The following CFAP46 variants were observed in gnomAD, a reference collection of about 807,000 sequenced individuals.
CFAP46 encodes the protein cilia and flagella associated protein 46.
In CFAP46, 245 loss-of-function variants were observed where a neutral mutation model predicts 325.7. The ratio of observed to expected loss-of-function variants is 0.75; its 90% CI spans 0.68 to 0.84. The LOEUF (loss-of-function observed/expected upper bound fraction) is 0.84, where lower values mean the gene tolerates loss of function less well. Ranked by LOEUF, CFAP46 falls within the 40% of genes least tolerant of loss-of-function variation. CFAP46 has a pLI of 0.00. For synonymous variants in CFAP46, 1,523 were observed against 1,495.9 expected (o/e 1.02, Z -0.42); for missense variants, 3,346 against 3,543.0 (o/e 0.94, Z 1.41).
intron 31 of CFAP46, among the ~76,000 whole-genome samples, chr10:132,875,817 CA>C (rs140467869): frequency 5.9e-5 from 9 of 151,526 alleles, no homozygotes; most frequent in Middle Eastern, 3.4e-3. Flanking sequence ...ATGAAAACAT[CA>C]AAAAAAAGGA....
At position 132,837,082 on chromosome 10, in the gene CFAP46, C is replaced by T. The variant is rs984611884; in HGVS notation, c.6439-168G>A. The stretch of plus-strand genomic sequence containing the variant: ...GTGGGGGGCCCTGCTGGAAGTGACT[C>T]GGGGCTGCCACCAGGGGGCAGCAGA... On this transcript the variant is annotated intron_variant, in intron 44 of 57. Coordinates refer to ENST00000368586, the MANE Select transcript of CFAP46 (RefSeq NM_001200049.3). 21 of 571,494 alleles carry T rather than the reference C, an allele frequency of 3.7e-5. No individual in the cohort carries two copies. In the Admixed American group the frequency reaches 5.7e-4, roughly 16 times the overall value. The allele number at this position is 571,494 out of a possible 1,614,324, so 35.4% of individuals were successfully genotyped here.
rs202121965 is a variant in CFAP46, at chr10:132,885,154, C to T, written c.3576G>A (p.Pro1192=). The change falls in exon 27 of 58, where the codon CCG becomes CCA. Residue 1192 remains proline (P), a synonymous_variant. Transcript: ENST00000368586. The stretch of plus-strand genomic sequence containing the variant: ...AGCAGGCCAGCTCTCCAGACACGCT[C>T]GGCGAGTTCAGGGCCAGGCGGTGCC... ...RMWHRLALNS[P]SVSGELACYN... 3,669 of 1,550,340 alleles carry T rather than the reference C, an allele frequency of 2.4e-3. 45 individuals carry two copies. The highest frequency in any genetic ancestry group is 1.4e-3 in the Non-Finnish European group (1,619 of 1,146,928).
intron 54 of CFAP46, 104 bp downstream of exon 54, chr10:132,814,048 C>T: frequency 1.2e-6 from 1 of 806,602 alleles, no homozygotes; most frequent in Non-Finnish European, 2.1e-6. Context: ...TGTGGCAGGA[C>T]TGGCAGGGCA....
Position 132,810,942 on chromosome 10 carries a change from C to T in CFAP46, c.7583+8G>A. ...ATCCCTGCCCACCCGTTCCAGGCAG[C>T]CAGGCACCTCCTGTGCTCCACGCTC... On this transcript the variant is annotated splice_region_variant and intron_variant, in intron 56 of 57. Transcript: ENST00000368586. 5 of 1,588,090 alleles carry T rather than the reference C, an allele frequency of 3.1e-6. No homozygotes were observed. The Admixed American group carries it at 8.7e-5, about 28-fold the overall frequency.
intron 7 of CFAP46, 46 bp downstream of exon 7, chr10:132,936,912 CCAG>C: frequency 8.3e-7 from 1 of 1,210,850 alleles, no homozygotes; most frequent in Non-Finnish European, 1.2e-6. Context: ...TCTCCCAAGC[CCAG>C]CACTTGTGAA....
chr10:132,934,786 T>C lies in CFAP46; in HGVS notation c.832A>G (p.Asn278Asp). The C allele has an allele frequency of 6.2e-7, 1 of 1,612,014 alleles. No homozygotes were observed. Among genetic ancestry groups the C allele is most frequent in the Non-Finnish European group, 8.5e-7 (1 of 1,178,280 alleles). Residue 278 changes from asparagine to aspartate, a missense_variant, in exon 8 of 58, where the codon AAC (asparagine) becomes GAC (aspartate). Coordinates refer to ENST00000368586, the MANE Select transcript of CFAP46 (RefSeq NM_001200049.3). ...RKAYRHLGHY[N>D]HQRFPSISEE... ...CTGATAGAGGGAAAGCGCTGGTGGTTGTAATGACCTAAGTGTCTGTAGGCC... is the reference window on the plus strand; with the variant it reads ...CTGATAGAGGGAAAGCGCTGGTGGTCGTAATGACCTAAGTGTCTGTAGGCC...
intron 8 of CFAP46, among the ~76,000 whole-genome samples, chr10:132,931,968 C>G (rs1849915001): frequency 7.0e-6 from 1 of 143,278 alleles, no homozygotes; most frequent in Non-Finnish European, 1.5e-5. Flanking sequence ...GCTGGGCCTT[C>G]CTTGTCGCCA....
In CFAP46 at chr10:132,929,726, G is replaced by A; in HGVS notation, c.945C>T (p.Asp315=). ...CMEISSACLS[D]LKKMESKDPG... ...TTACTTTGCTTTCCATCTTCTTCAGGTCTGAGAGGCAGGCAGAGGAGATCT... is the reference window on the plus strand; with the variant it reads ...TTACTTTGCTTTCCATCTTCTTCAGATCTGAGAGGCAGGCAGAGGAGATCT... Residue 315 remains aspartate, a synonymous_variant, in exon 9 of 58, where the codon GAC becomes GAT. Transcript: ENST00000368586. 1 of 1,613,798 alleles carries A rather than the reference G, an allele frequency of 6.2e-7. No individual in the cohort carries two copies. Among genetic ancestry groups the A allele is most frequent in the Admixed American group, 1.7e-5 (1 of 60,000 alleles).
At chr10:132,920,915 G>A (rs1037199400) in intron 13 of CFAP46, among the ~76,000 whole-genome samples, 1 of 152,244 alleles carries the variant, frequency 6.6e-6, no homozygotes, top group African/African-American at 2.4e-5. Context: ...AAGGAGTCAG[G>A]AAGGCAAAAC....
intron 35 of CFAP46, among the ~76,000 whole-genome samples, chr10:132,864,572 T>TAC (rs1848781683): frequency 1.6e-5 from 1 of 62,030 alleles, no homozygotes; most frequent in Non-Finnish European, 3.3e-5. Flanking sequence ...CCTGCAAACA[T>TAC]CTGTCCCCCT....
chr10:132,933,848 C>T (rs1443530444), intron 8 of CFAP46, among the ~76,000 whole-genome samples: 3 of 152,248 alleles, frequency 2.0e-5, no homozygotes, highest in Middle Eastern at 3.2e-3. Flanking sequence ...GCTTGGGGGA[C>T]CCCTTCCCCA....
chr10:132,814,453 G>T, intron 53 of CFAP46, 124 bp downstream of exon 53: 2 of 1,273,604 alleles, frequency 1.6e-6, no homozygotes, highest in Non-Finnish European at 2.2e-6. Context: ...CCAAAATGGG[G>T]CAAGCACATA....
In CFAP46 at chr10:132,937,647, C is replaced by A. The variant is rs148649735; in HGVS notation, c.565G>T (p.Gly189Ter). 3.1e-6 allele frequency: 5 copies of A among 1,612,080 alleles called. No homozygotes were observed. In the Admixed American group the frequency reaches 8.4e-5, roughly 27 times the overall value. The change falls in exon 6 of 58, where the codon GGA becomes TGA. Residue 189 changes from glycine (G) to a stop codon, truncating the protein, a stop_gained. Coordinates refer to ENST00000368586, the MANE Select transcript of CFAP46 (RefSeq NM_001200049.3). LOFTEE classifies it high-confidence loss of function. ...AACCTGGCAGCCTCCTCCTTTCTTC[C>A]GGCTTGCAGATAACACTCCAGAAGT... ...LELLECYLQA[G>*]RKEEAARFCS... is the part of the protein sequence containing the mutation.
At position 132,929,706 on chromosome 10, in the gene CFAP46, T is replaced by C. The variant is rs1849863267; in HGVS notation, c.965A>G (p.Lys322Arg). Residue 322 changes from lysine (K) to arginine (R), a missense_variant and splice_region_variant, in exon 9 of 58, where the codon AAA becomes AGA. Coordinates refer to ENST00000368586, the MANE Select transcript of CFAP46 (RefSeq NM_001200049.3). The stretch of plus-strand genomic sequence containing the variant: ...CAGCAGTGTCATGAAGCCACTTACT[T>C]TGCTTTCCATCTTCTTCAGGTCTGA... ...CLSDLKKMES[K>R]DPGKLIEMEC... 9 of 1,613,710 alleles carry C rather than the reference T, an allele frequency of 5.6e-6. No homozygotes were observed. The highest frequency in any genetic ancestry group is 7.6e-6 in the Non-Finnish European group (9 of 1,179,834).
rs113363653 is a variant in CFAP46, at chr10:132,937,641, T to C, written c.571A>G (p.Lys191Glu). 4.7e-5 allele frequency: 75 copies of C among 1,612,488 alleles called. No individual in the cohort carries two copies. In the African/African-American group the frequency reaches 7.9e-4, roughly 17 times the overall value. The change falls in exon 6 of 58, where the codon AAG (lysine) becomes GAG (glutamate). Residue 191 changes from lysine (K) to glutamate (E), a missense_variant. Transcript: ENST00000368586. The stretch of plus-strand genomic sequence containing the variant: ...GAGCAGAACCTGGCAGCCTCCTCCT[T>C]TCTTCCGGCTTGCAGATAACACTCC... ...LLECYLQAGR[K>E]EEAARFCSTA...
In CFAP46 at chr10:132,810,955, G is replaced by A. The variant is rs1408118938; in HGVS notation, c.7578C>T (p.His2526=). 19 of 1,598,704 alleles carry A rather than the reference G, an allele frequency of 1.2e-5. No homozygotes were observed. Among genetic ancestry groups the A allele is most frequent in the Non-Finnish European group, 1.6e-5 (19 of 1,172,418 alleles). ...CGTTCCAGGCAGCCAGGCACCTCCT[G>A]TGCTCCACGCTCTCCATGTGCCTCT... ...SLKRHMESVE[H]RRSVGRWEAN... is the part of the protein sequence containing the mutation. Residue 2526 remains histidine (H), a synonymous_variant, in exon 56 of 58, where the codon CAC becomes CAT. Coordinates refer to ENST00000368586, the MANE Select transcript of CFAP46 (RefSeq NM_001200049.3).
intron 17 of CFAP46, among the ~76,000 whole-genome samples, chr10:132,916,274 G>A (rs1311023281): frequency 6.6e-6 from 1 of 152,218 alleles, no homozygotes; most frequent in African/African-American, 2.4e-5. Context: ...ACTACAGGAC[G>A]CTGGAAAAGA....
intron 20 of CFAP46, 66 bp downstream of exon 20, chr10:132,909,853 G>A (rs947864547): frequency 9.1e-5 from 122 of 1,342,464 alleles, no homozygotes; most frequent in South Asian, 1.5e-4. Context: ...CACCACCCCC[G>A]GCTGTCTCAG....
intron 17 of CFAP46, among the ~76,000 whole-genome samples, chr10:132,913,937 A>G (rs1184146004): frequency 6.6e-6 from 1 of 151,096 alleles, no homozygotes; most frequent in Non-Finnish European, 1.5e-5. Context: ...CTCCCTGGAC[A>G]CCTCCAACAG....
Sources: gnomAD v4.1 joint callset for allele counts (sites outside exome capture counted in the v4.1 genomes callset) on GRCh38, gnomAD v4.1.1 for gene constraint, MANE v1.5 for transcripts, NCBI Gene and HGNC (gene_info 2026-07-23, HGNC 2026-07-21) for gene names.